SQSTM1: variants seen among roughly 807,000 people sequenced by gnomAD.
SQSTM1 encodes sequestosome-1.
SQSTM1 carries 36 observed loss-of-function variants against 45.1 expected under a neutral mutation model. The observed-to-expected ratio is 0.80, with a 90% CI of 0.61 to 1.05. The LOEUF is 1.05. Ranked by LOEUF, SQSTM1 falls within the 50% of genes least tolerant of loss-of-function variation. The probability of loss-of-function intolerance (pLI) is 0.00; values close to 1 mark genes in which losing one functional copy is unlikely to be tolerated. For missense variants in SQSTM1, 617 were observed against 607.1 expected (o/e 1.02, Z -0.17); for synonymous variants, 290 against 244.3 (o/e 1.19, Z -1.74).
chr5:179,831,725 A>G (rs1758230050), intron 5 of SQSTM1, among the ~76,000 whole-genome samples: 1 of 152,136 alleles, frequency 6.6e-6, no homozygotes, highest in African/African-American at 2.4e-5. Context: ...ATACAAAGAA[A>G]TAGTCTGCTA....
Position 179,806,434 on chromosome 5 carries a change from C to G in SQSTM1, c.-314C>G, listed in dbSNP as rs866374520. The G allele has an allele frequency of 3.0e-5, 33 of 1,118,624 alleles. No homozygotes were observed. The highest frequency in any genetic ancestry group is 3.7e-5 in the Non-Finnish European group (33 of 896,954). The allele number at this position is 1,118,624 out of a possible 1,614,324, so 69.3% of individuals were successfully genotyped here. ...CCGCGGCCACCGCCGGGCCCGCTCC[C>G]GCCGCCGACGCCCAGGTGCGCCAGG... On this transcript the variant is annotated 5_prime_UTR_variant, in exon 1 of 6. Coordinates refer to the SQSTM1 transcript ENST00000514093. This position sits in a 1 kb window ranked among gnomAD's most constrained non-coding sequence, Gnocchi z 4.6.
chr5:179,815,819 G>A (rs185564163), upstream of SQSTM1, among the ~76,000 whole-genome samples: 53 of 152,206 alleles, frequency 3.5e-4, no homozygotes, highest in African/African-American at 1.2e-3. Flanking sequence ...ATGACCCCAC[G>A]CCTTCTGCTC....
chr5:179,809,003 A>C (rs887915549), intron 1 of SQSTM1, among the ~76,000 whole-genome samples: 1 of 134,580 alleles, frequency 7.4e-6, no homozygotes, highest in Non-Finnish European at 1.6e-5. Context: ...GACTACAGGC[A>C]CCCACCACCA....
upstream of SQSTM1, among the ~76,000 whole-genome samples, chr5:179,816,598 C>G (rs1160723368): frequency 6.6e-6 from 1 of 152,238 alleles, no homozygotes; most frequent in East Asian, 1.9e-4. Context: ...CTCTGTCTGG[C>G]GCTGGCGCTC....
At chr5:179,820,236 C>G (rs1757722207), upstream of SQSTM1, 1 of 152,408 alleles carries the variant, frequency 6.6e-6, no homozygotes, top group Admixed American at 6.5e-5. Context: ...GAACACTTGG[C>G]GACCACTGAC....
intron 6 of SQSTM1, 167 bp downstream of exon 6, chr5:179,833,413 A>G (rs1263269747): frequency 6.2e-6 from 6 of 973,598 alleles, no homozygotes; most frequent in Non-Finnish European, 9.4e-6. Context: ...GGAACCTGCT[A>G]GAACTTTGTA....
At chr5:179,832,226 T>A (rs1758261156) in intron 5 of SQSTM1, among the ~76,000 whole-genome samples, 1 of 151,578 alleles carries the variant, frequency 6.6e-6, no homozygotes, top group Non-Finnish European at 1.5e-5. Flanking sequence ...ACAGGGAGAG[T>A]TTGGGGAGTG....
At chr5:179,836,174 C>CTAT in intron 7 of SQSTM1, 1 of 582,024 alleles carries the variant, frequency 1.7e-6, no homozygotes, top group Non-Finnish European at 3.1e-6. Context: ...GGTGAAATGC[C>CTAT]TATTTCAGTG....
chr5:179,833,559 T>C (rs2113512283), intron 6 of SQSTM1, 28 bp from the exon 7 acceptor site: 1 of 1,613,614 alleles, frequency 6.2e-7, no homozygotes, highest in South Asian at 1.1e-5. Context: ...GCGTGTCTCC[T>C]GTGTGCTCAT....
At chr5:179,807,169 G>T (rs967830553) in intron 1 of SQSTM1, among the ~76,000 whole-genome samples, 135 of 151,926 alleles carry the variant, frequency 8.9e-4, no homozygotes, top group Non-Finnish European at 1.7e-3. Flanking sequence ...CGGGGCGGGG[G>T]GCGGGCGGCG....
At chr5:179,828,362 TTCTTA>T (rs1758081107) in intron 5 of SQSTM1, among the ~76,000 whole-genome samples, 2 of 149,664 alleles carry the variant, frequency 1.3e-5, no homozygotes, top group South Asian at 2.1e-4. Context: ...CCTTTTTTTT[TTCTTA>T]TCTTTTTTTT....
Position 179,833,707 on chromosome 5 carries a change from C to T in SQSTM1, c.1090C>T (p.Pro364Ser), listed in dbSNP as rs776303544. The part of the protein sequence containing the change: ...QSLQMPESEG[P>S]SSLDPSQEGP... ...CCTACAGATGCCAGAATCCGAAGGGCCAAGCTCTCTGGACCCCTCCCAGGA... is the reference window on the plus strand; with the variant it reads ...CCTACAGATGCCAGAATCCGAAGGGTCAAGCTCTCTGGACCCCTCCCAGGA... Residue 364 changes from proline (P) to serine (S), a missense_variant, in exon 7 of 8, where the codon CCA becomes TCA. Coordinates refer to ENST00000389805, the MANE Select transcript of SQSTM1 (RefSeq NM_003900.5). 1 of 1,614,146 alleles carries T rather than the reference C, an allele frequency of 6.2e-7. No homozygotes were observed. Among genetic ancestry groups the T allele is most frequent in the Admixed American group, 1.7e-5 (1 of 60,014 alleles).
upstream of SQSTM1, among the ~76,000 whole-genome samples, chr5:179,818,040 A>AAAAAAG (rs1757637622): frequency 6.8e-6 from 1 of 146,514 alleles, no homozygotes; most frequent in Non-Finnish European, 1.5e-5. Flanking sequence ...AAAAAAAAAA[A>AAAAAAG]GTGATGTCCA....
At chr5:179,826,167 A>ATTT (rs1157045878) in intron 5 of SQSTM1, among the ~76,000 whole-genome samples, 1 of 139,702 alleles carries the variant, frequency 7.2e-6, no homozygotes. Flanking sequence ...GCTCATTCCG[A>ATTT]TTTTTTTTTT....
intron 5 of SQSTM1, among the ~76,000 whole-genome samples, chr5:179,831,327 T>C (rs1758205909): frequency 6.6e-6 from 1 of 152,152 alleles, no homozygotes; most frequent in Admixed American, 6.6e-5. Flanking sequence ...TAGAAAACTA[T>C]GGAGATGCTG....
At chr5:179,811,847 C>G (rs1757417853) in intron 2 of SQSTM1, 1 of 152,302 alleles carries the variant, frequency 6.6e-6, no homozygotes, top group Admixed American at 6.5e-5. Flanking sequence ...CTCTGTCGCC[C>G]AGGCTGGAGT....
rs1304848691 is a variant in SQSTM1, at chr5:179,823,973, C to A, written c.417C>A (p.Arg139=). 1 of 1,614,026 alleles carries A rather than the reference C, an allele frequency of 6.2e-7. No homozygotes were observed. Among genetic ancestry groups the A allele is most frequent in the Non-Finnish European group, 8.5e-7 (1 of 1,180,016 alleles). The change falls in exon 3 of 8, where the codon CGC becomes CGA. Residue 139 remains arginine, a synonymous_variant. Transcript: ENST00000389805. ...GCAATGGGCCTGTGGTAGGAACCCG[C>A]TACAAGTGCAGCGTCTGCCCAGACT... ...DGCNGPVVGT[R]YKCSVCPDYD... is the part of the protein sequence containing the mutation.
At position 179,834,156 on chromosome 5, in the gene SQSTM1, A is replaced by AGCG. The variant is rs1554091540; in HGVS notation, c.1165+375_1165+376insCGG. Among the ~76,000 whole-genome samples, 6 of 99,940 alleles carry AGCG rather than the reference A, an allele frequency of 6.0e-5. No individual in the cohort carries two copies. The Admixed American group carries it at 6.9e-4, about 11-fold the overall frequency. The allele number at this position is 99,940 out of a possible 152,430, so 65.6% of individuals were successfully genotyped here. Reference sequence around the variant, plus strand: ...CCGCCTCAGGGAGTGCTGGTCTGAGAGGGGGGGGGGTCATAGCCAAGATCC... The same window carrying AGCG: ...CCGCCTCAGGGAGTGCTGGTCTGAGAGCGGGGGGGGGGGTCATAGCCAAGATCC... On this transcript the variant is annotated intron_variant, in intron 7 of 7. Transcript: ENST00000389805.
chr5:179,837,909 C>T lies in SQSTM1; in HGVS notation c.*1316C>T. On this transcript the variant is annotated 3_prime_UTR_variant, in exon 8 of 8. Coordinates refer to ENST00000389805, the MANE Select transcript of SQSTM1 (RefSeq NM_003900.5). ...CCCTGAAAGAGAAGATGGCCATGCC[C>T]TCCATGTGTAAGAACAATGCCAGGG... 2 of 1,592,496 alleles carry T rather than the reference C, an allele frequency of 1.3e-6. No homozygotes were observed. Among genetic ancestry groups the T allele is most frequent in the South Asian group, 1.1e-5 (1 of 90,546 alleles).
Sources: allele counts gnomAD v4.1 joint callset (sites outside exome capture counted in the v4.1 genomes callset), GRCh38; gene constraint gnomAD v4.1.1; non-coding constraint Gnocchi (gnomAD v3.1); transcripts MANE v1.5; gene names NCBI Gene and HGNC (gene_info 2026-07-23, HGNC 2026-07-21).